ME2: variants seen among roughly 807,000 people sequenced by gnomAD.
ME2 encodes the protein malic enzyme 2.
ME2 carries 60 observed loss-of-function variants against 73.7 expected under a neutral mutation model. That is an observed-to-expected ratio of 0.81 (90% CI 0.66 to 1.01). ME2 has a LOEUF of 1.01. Ranked by LOEUF, ME2 falls within the 50% of genes least tolerant of loss-of-function variation. The pLI is 0.00. For missense variants in ME2, 594 were observed against 705.5 expected (o/e 0.84, Z 1.79); for synonymous variants, 199 against 236.9 (o/e 0.84, Z 1.47).
chr18:50,897,707 A>C (rs986553249), intron 2 of ME2, among the ~76,000 whole-genome samples: 1 of 152,178 alleles, frequency 6.6e-6, no homozygotes, highest in African/African-American at 2.4e-5. Flanking sequence ...CTAAAAATAC[A>C]TAATTAGCTG....
At chr18:50,944,071 G>A (rs148772800) in intron 15 of ME2, among the ~76,000 whole-genome samples, 4 of 152,094 alleles carry the variant, frequency 2.6e-5, no homozygotes, top group East Asian at 1.9e-4. Flanking sequence ...AAAATTAGCC[G>A]GGCACAGTGA....
chr18:50,931,825 C>T (rs1038368980), intron 12 of ME2, among the ~76,000 whole-genome samples: 1 of 151,990 alleles, frequency 6.6e-6, no homozygotes, highest in Non-Finnish European at 1.5e-5. Context: ...CAGGCATGGG[C>T]CAACACACCC....
At chr18:50,926,371 C>G (rs1026173854) in intron 12 of ME2, among the ~76,000 whole-genome samples, 7 of 152,132 alleles carry the variant, frequency 4.6e-5, no homozygotes, top group African/African-American at 1.7e-4. Flanking sequence ...TTGGTAAATA[C>G]TTGAGCATTT....
chr18:50,929,501 A>AC (rs397974380), intron 12 of ME2, among the ~76,000 whole-genome samples: 37 of 149,894 alleles, frequency 2.5e-4, no homozygotes, highest in Non-Finnish European at 4.6e-4. Context: ...AAAAAAAAAA[A>AC]CCAACAAAAA....
At chr18:50,913,860 T>TATACACACACACAC (rs112137080) in intron 4 of ME2, among the ~76,000 whole-genome samples, 12,901 of 143,090 alleles carry the variant, frequency 0.09, 742 homozygotes, top group South Asian at 0.15. Flanking sequence ...AGCAATATTA[T>TATACACACACACAC]ACACACACAC....
intron 12 of ME2, among the ~76,000 whole-genome samples, chr18:50,928,336 C>G (rs1361358677): frequency 6.6e-6 from 1 of 151,326 alleles, no homozygotes; most frequent in Non-Finnish European, 1.5e-5. Flanking sequence ...AACTCTGCCT[C>G]CCAGGTTCAC....
chr18:50,907,658 G>T (rs1917046725), intron 2 of ME2, among the ~76,000 whole-genome samples: 1 of 152,174 alleles, frequency 6.6e-6, no homozygotes, highest in African/African-American at 2.4e-5. Context: ...CTCTTTCGTA[G>T]TTAATGGGCT....
At chr18:50,913,960 A>C (rs1917226354) in intron 4 of ME2, among the ~76,000 whole-genome samples, 1 of 151,672 alleles carries the variant, frequency 6.6e-6, no homozygotes, top group East Asian at 1.9e-4. Context: ...CAATCCTTAT[A>C]ATATTTTCCC....
rs537684804 is a variant in ME2, at chr18:50,943,630, A to G, written c.1587+3244A>G. 3.9e-5 allele frequency among the ~76,000 whole-genome samples: 6 copies of G among 152,182 alleles called. No homozygotes were observed. The South Asian group carries it at 1.0e-3, about 26-fold the overall frequency. ...TGACTATTAATTTTATTATTACATT[A>G]TTTTGGTGCCTGTAACCTAAGCAAA... On this transcript the variant is annotated intron_variant, in intron 15 of 15. Transcript: ENST00000321341.
At chr18:50,907,596 C>G (rs868220199) in intron 2 of ME2, among the ~76,000 whole-genome samples, 3 of 152,208 alleles carry the variant, frequency 2.0e-5, no homozygotes, top group African/African-American at 7.2e-5. Flanking sequence ...ATCATTTCTT[C>G]TATCCCCTTT....
intron 3 of ME2, among the ~76,000 whole-genome samples, chr18:50,909,651 A>G (rs1917099876): frequency 6.6e-6 from 1 of 152,178 alleles, no homozygotes; most frequent in Non-Finnish European, 1.5e-5. Context: ...ACTGTGATAG[A>G]TTGAAAAATG....
intron 7 of ME2, among the ~76,000 whole-genome samples, chr18:50,918,431 G>C (rs1368420579): frequency 1.3e-5 from 2 of 152,138 alleles, no homozygotes; most frequent in Admixed American, 1.3e-4. Flanking sequence ...TGAGTTACCT[G>C]ACATTTTGAG....
intron 2 of ME2, among the ~76,000 whole-genome samples, chr18:50,900,973 T>C (rs1236985204): frequency 6.6e-6 from 1 of 152,196 alleles, no homozygotes; most frequent in Non-Finnish European, 1.5e-5. Context: ...AATGGGCTAA[T>C]ACAATGAGTA....
chr18:50,927,868 G>A (rs1340541271), intron 12 of ME2, among the ~76,000 whole-genome samples: 15 of 137,280 alleles, frequency 1.1e-4, no homozygotes, highest in African/African-American at 3.9e-4. Flanking sequence ...AGGCTGGAGT[G>A]TAGTGGCACA....
chr18:50,883,214 A>G (rs1190213751), intron 1 of ME2, among the ~76,000 whole-genome samples: 1 of 152,238 alleles, frequency 6.6e-6, no homozygotes, highest in East Asian at 1.9e-4. Context: ...TGAACTGGTA[A>G]TTAGCTGAGT....
chr18:50,939,857 C>G, intron 14 of ME2: 1 of 505,162 alleles, frequency 2.0e-6, no homozygotes, highest in Non-Finnish European at 3.5e-6. Flanking sequence ...TTTAATAACA[C>G]TTAGACTATA....
At chr18:50,934,799 T>C (rs1326897195) in intron 13 of ME2, 1 of 152,222 alleles carries the variant, frequency 6.6e-6, no homozygotes, top group Non-Finnish European at 1.5e-5. Flanking sequence ...GATGAAAATT[T>C]TTTTTAAGAC....
chr18:50,925,625 G>A, intron 11 of ME2, 131 bp from the exon 12 acceptor site: 27 of 690,438 alleles, frequency 3.9e-5, no homozygotes, highest in Non-Finnish European at 6.6e-5. Context: ...GCATTGCTGA[G>A]ATAGTGCTAT....
At chr18:50,893,815 C>T (rs930126611) in intron 1 of ME2, among the ~76,000 whole-genome samples, 1 of 152,218 alleles carries the variant, frequency 6.6e-6, no homozygotes, top group African/African-American at 2.4e-5. Context: ...TTAAGGCCCA[C>T]AATTAATTCT....
Sources: gnomAD v4.1 joint callset for allele counts (sites outside exome capture counted in the v4.1 genomes callset) on GRCh38, gnomAD v4.1.1 for gene constraint, MANE v1.5 for transcripts, NCBI Gene and HGNC (gene_info 2026-07-23, HGNC 2026-07-21) for gene names.